ST8SIA5: variants seen among roughly 807,000 people sequenced by gnomAD.
ST8SIA5 encodes ST8 alpha-N-acetyl-neuraminide alpha-2,8-sialyltransferase 5.
ST8SIA5 carries 24 observed loss-of-function variants against 40.2 expected under a neutral mutation model. The observed-to-expected ratio is 0.60, with a 90% CI of 0.43 to 0.84. The LOEUF is 0.84. ST8SIA5 is among the 40% of genes least tolerant of loss of function. The pLI, the probability that ST8SIA5 is intolerant of heterozygous loss-of-function variation, is 0.00. For synonymous variants in ST8SIA5, 198 were observed against 201.8 expected, an observed-to-expected ratio of 0.98 and a Z score of 0.16; for missense variants, 465 against 498.5, an observed-to-expected ratio of 0.93 and a Z score of 0.64.
At chr18:46,687,381 C>T (rs1011668281) in intron 4 of ST8SIA5, among the ~76,000 whole-genome samples, 12 of 152,280 alleles carry the variant, frequency 7.9e-5, no homozygotes, top group Admixed American at 4.6e-4. Context: ...AAACAGTTAC[C>T]GCCTGGCACT....
intron 1 of ST8SIA5, among the ~76,000 whole-genome samples, chr18:46,724,835 A>C (rs2144533819): frequency 6.6e-6 from 1 of 152,124 alleles, no homozygotes; most frequent in South Asian, 2.1e-4. Context: ...TTAGCTGGGC[A>C]TGGTGGTGCG....
intron 2 of ST8SIA5, among the ~76,000 whole-genome samples, chr18:46,697,852 T>G (rs528927631): frequency 6.6e-6 from 1 of 151,772 alleles, no homozygotes; most frequent in East Asian, 1.9e-4. Flanking sequence ...AAACTCCAAA[T>G]AAAAAGATTC....
intron 2 of ST8SIA5, among the ~76,000 whole-genome samples, chr18:46,697,172 C>T (rs1458247719): frequency 1.3e-5 from 2 of 150,966 alleles, no homozygotes; most frequent in African/African-American, 2.4e-5. Context: ...AAGATCTGGC[C>T]GTTCTAGCAA....
chr18:46,746,097 C>T (rs2040137310), intron 1 of ST8SIA5, among the ~76,000 whole-genome samples: 1 of 152,098 alleles, frequency 6.6e-6, no homozygotes, highest in South Asian at 2.1e-4. Context: ...ATGACAAACC[C>T]ACAGCCAGTA....
chr18:46,681,300 G>A (rs2039392896), intron 6 of ST8SIA5, among the ~76,000 whole-genome samples: 1 of 152,046 alleles, frequency 6.6e-6, no homozygotes, highest in Admixed American at 6.5e-5. Flanking sequence ...ATTAAGCAGC[G>A]TTCCCTCTTG....
At chr18:46,705,834 GA>G (rs2039664830) in intron 1 of ST8SIA5, among the ~76,000 whole-genome samples, 2 of 152,234 alleles carry the variant, frequency 1.3e-5, no homozygotes, top group Non-Finnish European at 2.9e-5. Context: ...AATCAGAGGT[GA>G]GAGGGGCTCC....
rs760370565 is a variant in ST8SIA5 at position 46,680,230 on chromosome 18, C to G, written c.943G>C (p.Glu315Gln). Reference protein sequence around the residue: ...LVTAALELCEEVHLFGFWAFP... With the variant: ...LVTAALELCEQVHLFGFWAFP... The stretch of plus-strand genomic sequence containing the variant: ...GCCCAGAAGCCAAAGAGGTGCACCT[C>G]CTCACAGAGCTCCAGCGCCGCAGTG... Residue 315 changes from glutamate (E) to glutamine (Q), a missense_variant, in exon 7 of 7, where the codon GAG becomes CAG. Transcript: ENST00000315087. 9.9e-6 allele frequency: 16 copies of G among 1,614,120 alleles called. No homozygotes were observed. The South Asian group carries it at 1.8e-4, about 18-fold the overall frequency.
At chr18:46,717,088 A>G (rs1310296389) in intron 1 of ST8SIA5, among the ~76,000 whole-genome samples, 1 of 152,194 alleles carries the variant, frequency 6.6e-6, no homozygotes, top group African/African-American at 2.4e-5. Flanking sequence ...AATGCATGCA[A>G]CACTGCCCAC....
intron 1 of ST8SIA5, among the ~76,000 whole-genome samples, chr18:46,741,078 T>C (rs1157011505): frequency 1.3e-5 from 2 of 151,886 alleles, no homozygotes; most frequent in African/African-American, 2.4e-5. Context: ...ATTAATAAAA[T>C]AGAAAGCAAA....
intron 1 of ST8SIA5, among the ~76,000 whole-genome samples, chr18:46,748,448 C>T (rs2040163196): frequency 1.3e-5 from 2 of 150,010 alleles, no homozygotes; most frequent in African/African-American, 4.9e-5. Context: ...CCTGTAATCC[C>T]AGCTACTCAG....
intron 1 of ST8SIA5, among the ~76,000 whole-genome samples, chr18:46,748,362 G>A (rs886700420): frequency 1.3e-5 from 2 of 151,874 alleles, no homozygotes; most frequent in African/African-American, 2.4e-5. Context: ...TTAGGAGTTC[G>A]AGACTAGTCT....
intron 1 of ST8SIA5, among the ~76,000 whole-genome samples, chr18:46,709,280 C>T (rs2039699014): frequency 6.6e-6 from 1 of 152,232 alleles, no homozygotes; most frequent in Admixed American, 6.5e-5. Context: ...AGCCTTTTGC[C>T]TTTCCACCAT....
At chr18:46,741,865 G>C (rs536679380) in intron 1 of ST8SIA5, among the ~76,000 whole-genome samples, 17 of 152,214 alleles carry the variant, frequency 1.1e-4, no homozygotes, top group African/African-American at 3.9e-4. Flanking sequence ...ACTTTGGGAG[G>C]CTAAGGAGGA....
chr18:46,714,697 C>A (rs528129362), intron 1 of ST8SIA5, among the ~76,000 whole-genome samples: 41 of 152,290 alleles, frequency 2.7e-4, no homozygotes, highest in Admixed American at 2.5e-3. Context: ...GGAAGAGACC[C>A]CCTCACTCCA....
chr18:46,719,748 CTTTCT>C (rs2039840322), intron 1 of ST8SIA5, among the ~76,000 whole-genome samples: 1 of 92,436 alleles, frequency 1.1e-5, no homozygotes, highest in African/African-American at 3.7e-5. Flanking sequence ...TCCTTCCTTT[CTTTCT>C]TTTCTTTCTT....
intron 5 of ST8SIA5, among the ~76,000 whole-genome samples, chr18:46,682,578 C>G (rs2039408272): frequency 6.6e-6 from 1 of 152,200 alleles, no homozygotes; most frequent in South Asian, 2.1e-4. Context: ...TAGAAAGCCC[C>G]ATAGTAGGAA....
chr18:46,756,498 G>A lies in ST8SIA5; in HGVS notation c.11C>T (p.Ala4Val), dbSNP rs1035251880. MRY[A>V]DPSANRDLLG... ...CAAATCCCGGTTGGCCGAGGGGTCCGCGTAGCGCATCCTGGCTACCGGGCG... is the reference window on the plus strand; with the variant it reads ...CAAATCCCGGTTGGCCGAGGGGTCCACGTAGCGCATCCTGGCTACCGGGCG... The change falls in exon 1 of 7, where the codon GCG becomes GTG. Residue 4 changes from alanine (A) to valine (V), a missense_variant. Transcript: ENST00000315087. The A allele has an allele frequency of 3.1e-6, 5 of 1,612,478 alleles. No individual in the cohort carries two copies. The highest frequency in any genetic ancestry group is 1.3e-5 in the African/African-American group (1 of 74,784).
At chr18:46,719,630 C>T (rs1273530476) in intron 1 of ST8SIA5, among the ~76,000 whole-genome samples, 7 of 142,688 alleles carry the variant, frequency 4.9e-5, no homozygotes, top group Admixed American at 2.1e-4. Flanking sequence ...AGGGGCCCGT[C>T]GGTCCGCCTT....
chr18:46,746,603 T>C (rs1193532128), intron 1 of ST8SIA5, among the ~76,000 whole-genome samples: 1 of 152,210 alleles, frequency 6.6e-6, no homozygotes, highest in Non-Finnish European at 1.5e-5. Context: ...TCTATGCTCA[T>C]GGATAGGAAG....
Sources: gnomAD v4.1 joint callset for allele counts (sites outside exome capture counted in the v4.1 genomes callset) on GRCh38, gnomAD v4.1.1 for gene constraint, MANE v1.5 for transcripts, NCBI Gene and HGNC (gene_info 2026-07-23, HGNC 2026-07-21) for gene names.